Variants in GJC1 observed in about 807,000 individuals in gnomAD.
GJC1 encodes gap junction gamma-1 protein.
GJC1 carries 5 observed loss-of-function variants against 29.3 expected under a neutral mutation model. The observed-to-expected ratio is 0.17, with a 90% CI of 0.09 to 0.36. GJC1 has a LOEUF of 0.36. Ranked by LOEUF, GJC1 falls within the 10% of genes least tolerant of loss-of-function variation. GJC1 has a pLI of 1.00. For missense variants in GJC1, 310 were observed against 496.2 expected, an observed-to-expected ratio of 0.62 and a Z score of 3.56; for synonymous variants, 177 against 183.3, an observed-to-expected ratio of 0.97 and a Z score of 0.28.
At chr17:44,816,112 C>CA (rs34938283) in intron 1 of GJC1, among the ~76,000 whole-genome samples, 18,903 of 47,360 alleles carry the variant, frequency 0.4, 5,062 homozygotes, top group East Asian at 0.49. Flanking sequence ...CACTCCGTCT[C>CA]AAAAAAAAAA....
chr17:44,831,080 G>C (rs1370853939), upstream of GJC1, among the ~76,000 whole-genome samples: 3 of 152,186 alleles, frequency 2.0e-5, no homozygotes, highest in African/African-American at 7.2e-5. Context: ...TCAGAATGCC[G>C]ATGGACAGGC....
rs111340099 is a variant in GJC1 at position 44,803,927 on chromosome 17, A to G, written c.*700T>C. 265 of 152,352 alleles carry G rather than the reference A, an allele frequency of 1.7e-3. No homozygotes were observed. Among genetic ancestry groups the G allele is most frequent in the African/African-American group, 6.1e-3 (254 of 41,584 alleles). The allele number at this position is 152,352 out of a possible 1,614,324, so 9.4% of individuals were successfully genotyped here. A position where few individuals can be genotyped will look rare whatever the true frequency, so the allele number is the denominator to read the frequency against. On this transcript the variant is annotated 3_prime_UTR_variant, in exon 3 of 3. Transcript: ENST00000592524. ...GATGCTTGATATTTAAAGGAATCCT[A>G]CAGTGAATCATTTATTTCCTTTGAA... is the stretch of plus-strand genomic sequence containing the variant.
At chr17:44,825,928 CTTTT>C (rs1352202569) in intron 1 of GJC1, among the ~76,000 whole-genome samples, 2 of 152,144 alleles carry the variant, frequency 1.3e-5, no homozygotes, top group South Asian at 2.1e-4. Context: ...TCATTTCTTT[CTTTT>C]TATTTTGAGA....
chr17:44,825,315 G>A (rs898239510), intron 1 of GJC1, among the ~76,000 whole-genome samples: 2 of 150,130 alleles, frequency 1.3e-5, no homozygotes, highest in Non-Finnish European at 3.0e-5. Flanking sequence ...CCAACATGGA[G>A]AAACCCTGTC....
intron 1 of GJC1, among the ~76,000 whole-genome samples, chr17:44,811,379 G>GC (rs972438572): frequency 2.0e-5 from 3 of 149,754 alleles, no homozygotes; most frequent in African/African-American, 7.4e-5. Flanking sequence ...ACTGCACCTG[G>GC]CCTTTTTTCT....
At chr17:44,822,066 G>C (rs866567588) in intron 1 of GJC1, among the ~76,000 whole-genome samples, 1 of 150,648 alleles carries the variant, frequency 6.6e-6, no homozygotes, top group African/African-American at 2.4e-5. Context: ...GCATGGTGGC[G>C]GGCGCCTGTA....
At chr17:44,797,641 T>G (rs919832173), downstream of GJC1, 1 of 152,138 alleles carries the variant, frequency 6.6e-6, no homozygotes, top group African/African-American at 2.4e-5. Context: ...GGGAGATATC[T>G]AAAGGAAACA....
At chr17:44,815,493 C>G (rs536348647) in intron 1 of GJC1, among the ~76,000 whole-genome samples, 4 of 152,260 alleles carry the variant, frequency 2.6e-5, no homozygotes, top group African/African-American at 9.6e-5. Flanking sequence ...TAGTAATTTA[C>G]AGTGCCTGGC....
intron 1 of GJC1, among the ~76,000 whole-genome samples, chr17:44,816,935 G>C (rs1307404240): frequency 6.6e-6 from 1 of 152,128 alleles, no homozygotes; most frequent in Non-Finnish European, 1.5e-5. Context: ...TGCCTGCCAG[G>C]CGCAGTGGTT....
intron 1 of GJC1, among the ~76,000 whole-genome samples, chr17:44,815,168 T>C (rs1014584962): frequency 3.9e-5 from 6 of 152,054 alleles, no homozygotes; most frequent in Admixed American, 3.9e-4. Context: ...CTTTTGCTAA[T>C]TAGTAAAGCA....
rs1428557906 is a variant in GJC1, at chr17:44,820,614, T to A, written c.-97+9448A>T. ...AACGATCATTTCAGAAAATTTGCGG[T>A]TGGACTAAATTTAAAAATTTCAATA... On this transcript the variant is annotated intron_variant, in intron 1 of 2. Transcript: ENST00000592524. Among the ~76,000 whole-genome samples the A allele has an allele frequency of 2.6e-5, 4 of 152,150 alleles. No individual in the cohort carries two copies. The East Asian group carries it at 5.8e-4, about 22-fold the overall frequency.
chr17:44,828,755 G>C (rs1339462773), intron 1 of GJC1, among the ~76,000 whole-genome samples: 1 of 152,028 alleles, frequency 6.6e-6, no homozygotes, highest in Admixed American at 6.6e-5. Flanking sequence ...AGGAGCTCTG[G>C]AAGTAAGGGT....
At chr17:44,796,804 T>TAC (rs10568870), downstream of GJC1, among the ~76,000 whole-genome samples, 27 of 150,896 alleles carry the variant, frequency 1.8e-4, no homozygotes, top group South Asian at 8.4e-4. Flanking sequence ...GGATCTAAAA[T>TAC]ACACACACAC....
intron 1 of GJC1, among the ~76,000 whole-genome samples, chr17:44,828,065 A>G (rs914531437): frequency 3.3e-5 from 5 of 152,188 alleles, no homozygotes; most frequent in Admixed American, 2.6e-4. Flanking sequence ...TCATTACTCA[A>G]TTGATAGGCA....
chr17:44,826,413 C>T (rs1235076), intron 1 of GJC1, among the ~76,000 whole-genome samples: 52,110 of 151,668 alleles, frequency 0.34, 9,626 homozygotes, highest in East Asian at 0.46. Context: ...GCCTGTAGTC[C>T]CAGCTACACA....
intron 1 of GJC1, among the ~76,000 whole-genome samples, chr17:44,808,064 A>C (rs1467186117): frequency 1.3e-5 from 2 of 152,216 alleles, no homozygotes; most frequent in East Asian, 3.8e-4. Flanking sequence ...TTCCAAGATG[A>C]ATTATTGCTC....
chr17:44,809,354 C>T (rs2049947261), intron 1 of GJC1, among the ~76,000 whole-genome samples: 1 of 152,132 alleles, frequency 6.6e-6, no homozygotes, highest in Admixed American at 6.5e-5. Flanking sequence ...TATAAAACCT[C>T]AAAACAAGAA....
intron 2 of GJC1, among the ~76,000 whole-genome samples, 191 bp downstream of exon 2, chr17:44,807,203 T>C (rs909215428): frequency 1.3e-5 from 2 of 152,146 alleles, no homozygotes; most frequent in Non-Finnish European, 2.9e-5. Context: ...GACAGATTCT[T>C]TCTGAGATTC....
In GJC1 at chr17:44,801,517, C is replaced by CCAGATTTATACAAATCTGGAT. The variant is rs2049845258; in HGVS notation, c.*3109_*3110insATCCAGATTTGTATAAATCTG. On this transcript the variant is annotated 3_prime_UTR_variant, in exon 3 of 3. Transcript: ENST00000592524. ...GGACAGGCTTTTTATACAAATCCCACCTGCATGATCCAGAACAATATTCTT... is the reference window on the plus strand; with the variant it reads ...GGACAGGCTTTTTATACAAATCCCACCAGATTTATACAAATCTGGATCTGCATGATCCAGAACAATATTCTT... The CCAGATTTATACAAATCTGGAT allele has an allele frequency of 1.3e-5, 2 of 152,202 alleles. No homozygotes were observed. The highest frequency in any genetic ancestry group is 6.5e-5 in the Admixed American group (1 of 15,282). The allele number at this position is 152,202 out of a possible 1,614,324, so 9.4% of individuals were successfully genotyped here.
Sources: allele counts gnomAD v4.1 joint callset (sites outside exome capture counted in the v4.1 genomes callset), GRCh38; gene constraint gnomAD v4.1.1; transcripts MANE v1.5; gene names NCBI Gene and HGNC (gene_info 2026-07-23, HGNC 2026-07-21).